CAMK1D: variants seen among roughly 807,000 people sequenced by gnomAD.
CAMK1D encodes calcium/calmodulin dependent protein kinase ID.
In CAMK1D, 9 loss-of-function variants were observed where a neutral mutation model predicts 47.7. The ratio of observed to expected loss-of-function variants is 0.19; its 90% CI spans 0.11 to 0.33. CAMK1D has a LOEUF of 0.33. Among genes scored for constraint, CAMK1D ranks in the 10% least tolerant of loss-of-function variants. The pLI, the probability that CAMK1D is intolerant of heterozygous loss-of-function variation, is 1.00. For synonymous variants in CAMK1D, 184 were observed against 184.9 expected (o/e 0.99, Z 0.04); for missense variants, 291 against 488.7 (o/e 0.60, Z 3.81).
rs1417507637 is a variant in CAMK1D at position 12,753,124 on chromosome 10, T to C, written c.300-7824T>C. Among the ~76,000 whole-genome samples, 4 of 152,030 alleles carry C rather than the reference T, an allele frequency of 2.6e-5. No homozygotes were observed. The East Asian group carries it at 7.7e-4, about 29-fold the overall frequency. On this transcript the variant is annotated intron_variant, in intron 3 of 10. Coordinates refer to ENST00000619168, the MANE Select transcript of CAMK1D (RefSeq NM_153498.4). ...AAAATTAGCTGGGCATGGTGGCGTG[T>C]GCCTGTAGTCCCAGATACTCGGGAG...
intron 3 of CAMK1D, among the ~76,000 whole-genome samples, chr10:12,714,196 C>G (rs1169685078): frequency 6.6e-6 from 1 of 152,078 alleles, no homozygotes; most frequent in East Asian, 1.9e-4. Flanking sequence ...GGTCACCCTG[C>G]TGACCGACCC....
chr10:12,586,772 T>C (rs1000916359), intron 2 of CAMK1D, among the ~76,000 whole-genome samples: 1 of 152,130 alleles, frequency 6.6e-6, no homozygotes, highest in South Asian at 2.1e-4. Flanking sequence ...TCATAAAAAA[T>C]ACGGGATGGA....
intron 3 of CAMK1D, among the ~76,000 whole-genome samples, chr10:12,730,363 C>T (rs536623683): frequency 1.3e-5 from 2 of 152,046 alleles, no homozygotes; most frequent in East Asian, 1.9e-4. Flanking sequence ...TGGGGAAGCA[C>T]GGGGTCAGCA....
At chr10:12,460,139 A>G (rs1357110264) in intron 1 of CAMK1D, among the ~76,000 whole-genome samples, 1 of 152,222 alleles carries the variant, frequency 6.6e-6, no homozygotes, top group African/African-American at 2.4e-5. Context: ...TAATCATGAT[A>G]AACTCCACTG....
chr10:12,615,550 AGTT>A (rs1014580827), intron 2 of CAMK1D, among the ~76,000 whole-genome samples: 4 of 146,188 alleles, frequency 2.7e-5, no homozygotes, highest in African/African-American at 8.1e-5. Flanking sequence ...GTACATGTGT[AGTT>A]ATGTGTGTAT....
intron 6 of CAMK1D, among the ~76,000 whole-genome samples, chr10:12,806,135 A>C (rs1015796716): frequency 1.3e-5 from 2 of 152,078 alleles, no homozygotes; most frequent in African/African-American, 4.8e-5. Context: ...GTAGAAAGGA[A>C]TTTTCTCGAT....
intron 1 of CAMK1D, among the ~76,000 whole-genome samples, chr10:12,500,142 T>G (rs568889498): frequency 3.4e-4 from 52 of 152,152 alleles, no homozygotes; most frequent in Non-Finnish European, 6.3e-4. Context: ...GGAGGGTGCC[T>G]GTAATCCCAG....
intron 1 of CAMK1D, among the ~76,000 whole-genome samples, chr10:12,423,088 T>C (rs969046649): frequency 6.6e-6 from 1 of 152,234 alleles, no homozygotes; most frequent in African/African-American, 2.4e-5. Flanking sequence ...GATGTTTTTA[T>C]GATGCAGAAT....
intron 1 of CAMK1D, among the ~76,000 whole-genome samples, chr10:12,368,237 G>A (rs1023124717): frequency 2.0e-5 from 3 of 151,822 alleles, no homozygotes; most frequent in South Asian, 2.1e-4. Flanking sequence ...TTTATTGTCC[G>A]GGCACAGTGG....
chr10:12,480,300 T>A (rs1834025528), intron 1 of CAMK1D, among the ~76,000 whole-genome samples: 1 of 152,086 alleles, frequency 6.6e-6, no homozygotes, highest in Admixed American at 6.5e-5. Flanking sequence ...CTGGACGTGA[T>A]AGCGCACGCC....
intron 1 of CAMK1D, among the ~76,000 whole-genome samples, chr10:12,538,348 T>A (rs11595154): frequency 2.6e-5 from 4 of 152,202 alleles, no homozygotes; most frequent in Non-Finnish European, 2.9e-5. Flanking sequence ...TGAGACATGG[T>A]GATTTGTTCC....
intron 3 of CAMK1D, among the ~76,000 whole-genome samples, chr10:12,735,339 G>A (rs11257962): frequency 0.024 from 3,620 of 152,212 alleles, 152 homozygotes; most frequent in African/African-American, 0.081. Flanking sequence ...TTAGCCGGGC[G>A]TGGTGGCGGG....
At chr10:12,434,388 A>G (rs959746221) in intron 1 of CAMK1D, among the ~76,000 whole-genome samples, 2 of 152,108 alleles carry the variant, frequency 1.3e-5, no homozygotes, top group African/African-American at 4.8e-5. Flanking sequence ...GATTCTGTGT[A>G]CAAGGGGTCT....
chr10:12,601,185 G>GTTTTTTTTT (rs1564438027), intron 2 of CAMK1D, among the ~76,000 whole-genome samples: 2 of 17,342 alleles, frequency 1.2e-4, no homozygotes, highest in Admixed American at 1.0e-3. Context: ...TTTTTTTTTT[G>GTTTTTTTTT]TTTGTTTGTT....
In CAMK1D at chr10:12,831,228, A is replaced by T. The variant is rs948380673; in HGVS notation, c.*2341A>T. 6.6e-6 allele frequency: 1 copy of T among 152,254 alleles called. No homozygotes were observed. Among genetic ancestry groups the T allele is most frequent in the Non-Finnish European group, 1.5e-5 (1 of 68,056 alleles). The allele number at this position is 152,254 out of a possible 1,614,324, so 9.4% of individuals were successfully genotyped here. On this transcript the variant is annotated 3_prime_UTR_variant, in exon 11 of 11. Transcript: ENST00000619168. Reference sequence around the variant, plus strand: ...CCAGTTAAGAAGCAAGTGTCACCTGAGTTGGCCATGCAATGAATGAATATT... The same window carrying T: ...CCAGTTAAGAAGCAAGTGTCACCTGTGTTGGCCATGCAATGAATGAATATT...
chr10:12,387,426 T>A (rs1222779738), intron 1 of CAMK1D, among the ~76,000 whole-genome samples: 1 of 60,472 alleles, frequency 1.7e-5, no homozygotes, highest in Non-Finnish European at 3.3e-5. Flanking sequence ...TTTTATATAT[T>A]TTATATATTA....
chr10:12,450,175 A>G (rs948153929), intron 1 of CAMK1D, among the ~76,000 whole-genome samples: 8 of 152,192 alleles, frequency 5.3e-5, no homozygotes, highest in Admixed American at 4.6e-4. Flanking sequence ...GAAAGAAGGA[A>G]GGAAGGAAGA....
chr10:12,383,326 A>G (rs1006758091), intron 1 of CAMK1D, among the ~76,000 whole-genome samples: 2 of 152,130 alleles, frequency 1.3e-5, no homozygotes, highest in South Asian at 4.1e-4. Context: ...GGTGAGCAAC[A>G]GAATAAGAAC....
At chr10:12,402,758 T>C (rs1463561546) in intron 1 of CAMK1D, among the ~76,000 whole-genome samples, 1 of 151,958 alleles carries the variant, frequency 6.6e-6, no homozygotes, top group African/African-American at 2.4e-5. Flanking sequence ...AGTCACTTCA[T>C]TGGGATCATT....
Sources: gnomAD v4.1 joint callset for allele counts (sites outside exome capture counted in the v4.1 genomes callset) on GRCh38, gnomAD v4.1.1 for gene constraint, MANE v1.5 for transcripts, NCBI Gene and HGNC (gene_info 2026-07-23, HGNC 2026-07-21) for gene names.